The following RIMS1 variants were observed in gnomAD, a reference collection of about 807,000 sequenced individuals.
The protein encoded by RIMS1 is regulating synaptic membrane exocytosis protein 1.
RIMS1 carries 83 observed loss-of-function variants against 214.1 expected under a neutral mutation model. The observed-to-expected ratio is 0.39, with a 90% CI of 0.32 to 0.47. The LOEUF (loss-of-function observed/expected upper bound fraction) is 0.47. Ranked by LOEUF, RIMS1 falls within the 20% of genes least tolerant of loss-of-function variation. The pLI is 0.99. For missense variants in RIMS1, 2,050 were observed against 2,161.8 expected (o/e 0.95, Z 1.03); for synonymous variants, 793 against 786.8 (o/e 1.01, Z -0.13).
At chr6:72,187,101 G>C (rs1433672883) in intron 6 of RIMS1, among the ~76,000 whole-genome samples, 1 of 152,098 alleles carries the variant, frequency 6.6e-6, no homozygotes, top group Non-Finnish European at 1.5e-5. Context: ...ACTCCAGCCT[G>C]GGCGATAGAG....
chr6:71,904,694 A>G (rs1165740532), intron 1 of RIMS1, among the ~76,000 whole-genome samples: 2 of 152,222 alleles, frequency 1.3e-5, no homozygotes, highest in African/African-American at 2.4e-5. Context: ...CAGGTTAAAT[A>G]TCAAGTCAAC....
intron 28 of RIMS1, 69 bp from the exon 29 acceptor site, chr6:72,333,531 G>A (rs2154341973): frequency 3.3e-6 from 4 of 1,223,492 alleles, no homozygotes; most frequent in Non-Finnish European, 4.7e-6. Flanking sequence ...AAATAAATTA[G>A]ATTTAGAATT....
chr6:72,262,961 G>A, intron 19 of RIMS1: 1 of 477,778 alleles, frequency 2.1e-6, no homozygotes, highest in Non-Finnish European at 2.7e-6. Context: ...TATATGTTAT[G>A]AATATTATTA....
intron 9 of RIMS1, among the ~76,000 whole-genome samples, chr6:72,242,028 T>C (rs969985014): frequency 6.6e-6 from 1 of 152,154 alleles, no homozygotes; most frequent in Non-Finnish European, 1.5e-5. Flanking sequence ...AGATTATTTT[T>C]ATATGATTTC....
intron 17 of RIMS1, among the ~76,000 whole-genome samples, chr6:72,258,728 C>T (rs78757114): frequency 0.015 from 2,271 of 152,180 alleles, 19 homozygotes; most frequent in Non-Finnish European, 0.017. Context: ...CTGATATACA[C>T]TCCTGAAATT....
intron 1 of RIMS1, among the ~76,000 whole-genome samples, chr6:71,918,314 T>G (rs955923634): frequency 2.0e-5 from 3 of 152,072 alleles, no homozygotes; most frequent in African/African-American, 7.2e-5. Context: ...GGTAGCCAAA[T>G]GGAGAATCAT....
At chr6:72,086,596 C>T (rs1414773705) in intron 2 of RIMS1, among the ~76,000 whole-genome samples, 1 of 152,114 alleles carries the variant, frequency 6.6e-6, no homozygotes, top group African/African-American at 2.4e-5. Context: ...TTTGTACTCC[C>T]AGAGCCTTAA....
At chr6:72,350,642 A>C (rs891276402) in intron 29 of RIMS1, among the ~76,000 whole-genome samples, 3 of 152,080 alleles carry the variant, frequency 2.0e-5, no homozygotes, top group African/African-American at 7.2e-5. Context: ...CCTTTGGCTG[A>C]AGCGTTTGAA....
intron 4 of RIMS1, among the ~76,000 whole-genome samples, chr6:72,124,073 G>C (rs1165994142): frequency 6.6e-6 from 1 of 151,814 alleles, no homozygotes; most frequent in Non-Finnish European, 1.5e-5. Flanking sequence ...AGCATCAATG[G>C]TGTTTACAAT....
chr6:72,223,943 G>A (rs1463379636), intron 6 of RIMS1, among the ~76,000 whole-genome samples: 16 of 79,322 alleles, frequency 2.0e-4, no homozygotes, highest in East Asian at 6.6e-4. Context: ...GCGAGACTCC[G>A]TCTCAAAAAA....
intron 4 of RIMS1, among the ~76,000 whole-genome samples, chr6:72,119,994 T>TA (rs1366738908): frequency 6.6e-6 from 1 of 152,002 alleles, no homozygotes; most frequent in East Asian, 1.9e-4. Context: ...CATCATTTTT[T>TA]ATGGCTGCAT....
chr6:71,996,627 A>T (rs1803516058), intron 2 of RIMS1, among the ~76,000 whole-genome samples: 1 of 152,228 alleles, frequency 6.6e-6, no homozygotes, highest in Non-Finnish European at 1.5e-5. Flanking sequence ...AGCCTACATT[A>T]TCTCCCAGTC....
intron 29 of RIMS1, among the ~76,000 whole-genome samples, chr6:72,350,255 G>C (rs1434541517): frequency 7.2e-5 from 11 of 152,136 alleles, no homozygotes; most frequent in African/African-American, 2.7e-4. Context: ...TGTTGACCAT[G>C]ATAATAAAGC....
chr6:72,076,404 G>A (rs1196411769), intron 2 of RIMS1, among the ~76,000 whole-genome samples: 1 of 152,162 alleles, frequency 6.6e-6, no homozygotes, highest in Non-Finnish European at 1.5e-5. Context: ...ACATGGTGGA[G>A]AGAGGGAGAG....
intron 26 of RIMS1, among the ~76,000 whole-genome samples, chr6:72,300,891 G>A (rs1209697631): frequency 1.3e-5 from 2 of 151,672 alleles, no homozygotes; most frequent in Admixed American, 1.3e-4. Context: ...TGGTCTTGTG[G>A]TTTTGGCTGC....
At chr6:72,002,482 G>T (rs1805596339) in intron 2 of RIMS1, among the ~76,000 whole-genome samples, 1 of 152,140 alleles carries the variant, frequency 6.6e-6, no homozygotes, top group Non-Finnish European at 1.5e-5. Context: ...CAGTGGGACT[G>T]GAGAGAACAA....
chr6:72,381,655 A>G (rs900494319), intron 29 of RIMS1, among the ~76,000 whole-genome samples: 1 of 152,254 alleles, frequency 6.6e-6, no homozygotes, highest in Non-Finnish European at 1.5e-5. Flanking sequence ...TATACTTTCA[A>G]TAGCTCAGCG....
intron 26 of RIMS1, among the ~76,000 whole-genome samples, chr6:72,293,423 T>G (rs749512762): frequency 8.6e-5 from 13 of 151,940 alleles, no homozygotes; most frequent in Non-Finnish European, 1.8e-4. Flanking sequence ...CCAGATGAAA[T>G]TGTTTTAAAA....
At chr6:72,226,534 AT>A (rs1018398836) in intron 6 of RIMS1, among the ~76,000 whole-genome samples, 4 of 152,190 alleles carry the variant, frequency 2.6e-5, no homozygotes, top group African/African-American at 9.6e-5. Context: ...TGTTTAGATA[AT>A]TTTTAAAGGA....
Sources: allele counts gnomAD v4.1 joint callset (sites outside exome capture counted in the v4.1 genomes callset), GRCh38; gene constraint gnomAD v4.1.1; transcripts MANE v1.5; gene names NCBI Gene and HGNC (gene_info 2026-07-23, HGNC 2026-07-21).